The following IL6R variants were observed in gnomAD, a reference collection of about 807,000 sequenced individuals.
IL6R encodes the protein interleukin-6 receptor subunit alpha.
Under a neutral mutation model 48.3 loss-of-function variants are expected in IL6R, and 38 were observed. That is an observed-to-expected ratio of 0.79 (90% CI 0.61 to 1.03). The LOEUF (loss-of-function observed/expected upper bound fraction) is 1.03, where lower values mean the gene tolerates loss of function less well. IL6R is among the 50% of genes least tolerant of loss of function. The probability of loss-of-function intolerance (pLI) is 0.00; values close to 1 mark genes in which losing one functional copy is unlikely to be tolerated. For missense variants in IL6R, 534 were observed against 618.3 expected (o/e 0.86, Z 1.45); for synonymous variants, 264 against 256.2 (o/e 1.03, Z -0.29).
intron 1 of IL6R, among the ~76,000 whole-genome samples, chr1:154,426,028 T>C (rs1688942656): frequency 6.6e-6 from 1 of 150,792 alleles, no homozygotes; most frequent in South Asian, 2.1e-4. Flanking sequence ...AAAGCTATGA[T>C]TGTGCCACTG....
intron 1 of IL6R, among the ~76,000 whole-genome samples, chr1:154,415,458 G>A (rs1029485797): frequency 2.6e-5 from 4 of 152,036 alleles, no homozygotes; most frequent in Non-Finnish European, 5.9e-5. Context: ...GGGTTTATAC[G>A]CCTCTTGGCA....
At chr1:154,443,215 G>C (rs754500662) in intron 6 of IL6R, among the ~76,000 whole-genome samples, 2 of 152,222 alleles carry the variant, frequency 1.3e-5, no homozygotes, top group Non-Finnish European at 2.9e-5. Flanking sequence ...CCAAAGGTTT[G>C]CATTTGCACA....
At chr1:154,446,782 T>G (rs962518732) in intron 6 of IL6R, among the ~76,000 whole-genome samples, 1 of 152,166 alleles carries the variant, frequency 6.6e-6, no homozygotes, top group East Asian at 1.9e-4. Flanking sequence ...TAGAAGGAAA[T>G]TGAAATAGTG....
intron 7 of IL6R, among the ~76,000 whole-genome samples, chr1:154,449,142 G>T (rs1203789081): frequency 6.9e-6 from 1 of 145,898 alleles, no homozygotes; most frequent in Non-Finnish European, 1.5e-5. Flanking sequence ...TGATCCACCC[G>T]CCTCGGCCTC....
At chr1:154,438,096 CT>C (rs1489401576) in intron 6 of IL6R, among the ~76,000 whole-genome samples, 2 of 152,134 alleles carry the variant, frequency 1.3e-5, no homozygotes, top group African/African-American at 4.8e-5. Context: ...GCAGTGGTCC[CT>C]TGTCCCATGC....
chr1:154,428,878 A>T (rs564792553), intron 1 of IL6R, among the ~76,000 whole-genome samples: 89 of 152,288 alleles, frequency 5.8e-4, no homozygotes, highest in African/African-American at 2.1e-3. Flanking sequence ...TGAGGCCTCC[A>T]AGGACAGAAG....
At chr1:154,429,513 TC>T in intron 2 of IL6R, 69 bp downstream of exon 2, 1 of 1,502,164 alleles carries the variant, frequency 6.7e-7, no homozygotes. Context: ...TTCCAGACAG[TC>T]CCTGTCTGAG....
intron 8 of IL6R, 92 bp from the exon 9 acceptor site, chr1:154,454,396 C>G: frequency 1.2e-6 from 1 of 819,754 alleles, no homozygotes; most frequent in Non-Finnish European, 2.0e-6. Context: ...AGGCTTTTGA[C>G]AGCACCAGCT....
At chr1:154,444,144 C>G (rs151092649) in intron 6 of IL6R, among the ~76,000 whole-genome samples, 24 of 152,086 alleles carry the variant, frequency 1.6e-4, no homozygotes, top group African/African-American at 5.5e-4. Context: ...GATTCCTAAA[C>G]GTTGGGATTT....
rs1275051565 is a variant in IL6R at position 154,465,103 on chromosome 1, GTGTGGTTTGTCTT to G, written c.1161-26_1161-14del. The G allele has an allele frequency of 1.9e-6, 3 of 1,612,764 alleles. No individual in the cohort carries two copies. Among genetic ancestry groups the G allele is most frequent in the Non-Finnish European group, 2.5e-6 (3 of 1,178,902 alleles). ...TTGTCACAGGGGGAGCTAAAAATCT[GTGTGGTTTGTCTT>G]TGTGTGTTTGTGTGAAGGTTCAAGA... On this transcript the variant is annotated intron_variant, in intron 9 of 9. Transcript: ENST00000368485.
chr1:154,456,206 C>CTTT (rs34592707), intron 9 of IL6R, among the ~76,000 whole-genome samples: 2 of 135,012 alleles, frequency 1.5e-5, no homozygotes. Context: ...TGAATAGATT[C>CTTT]TTTTTTTTTT....
In IL6R at chr1:154,408,305, C is replaced by T. The variant is rs199565669; in HGVS notation, c.85+2591C>T. Among the ~76,000 whole-genome samples, 4 of 152,140 alleles carry T rather than the reference C, an allele frequency of 2.6e-5. No homozygotes were observed. In the East Asian group the frequency reaches 5.8e-4, roughly 22 times the overall value. On this transcript the variant is annotated intron_variant, in intron 1 of 9. Coordinates refer to ENST00000368485, the MANE Select transcript of IL6R (RefSeq NM_000565.4). ...GGGCTCTCTGTTGCCAGAAATCTCT[C>T]CTTGCTTTGGCTTGCTGCTTGTTTA...
intron 6 of IL6R, among the ~76,000 whole-genome samples, chr1:154,445,276 G>A (rs948887250): frequency 6.6e-5 from 10 of 152,122 alleles, no homozygotes; most frequent in Non-Finnish European, 1.3e-4. Context: ...TGGGTCCCAC[G>A]GTCTCTCCTC....
chr1:154,416,462 T>G (rs1688359687), intron 1 of IL6R, among the ~76,000 whole-genome samples: 2 of 152,022 alleles, frequency 1.3e-5, no homozygotes, highest in South Asian at 4.2e-4. Context: ...CTTTAGAGAT[T>G]AATTAGGGAA....
At chr1:154,431,204 G>A (rs1236851900) in intron 3 of IL6R, among the ~76,000 whole-genome samples, 1 of 152,148 alleles carries the variant, frequency 6.6e-6, no homozygotes, top group East Asian at 1.9e-4. Flanking sequence ...ACCGGAAGAC[G>A]GCTTAACGTG....
chr1:154,450,886 C>T (rs1690546320), intron 8 of IL6R, among the ~76,000 whole-genome samples: 2 of 152,264 alleles, frequency 1.3e-5, no homozygotes, highest in African/African-American at 4.8e-5. Context: ...TCTGCTACAA[C>T]AGCCCAGGTA....
chr1:154,455,207 G>A (rs753175495), intron 9 of IL6R, among the ~76,000 whole-genome samples: 37 of 151,952 alleles, frequency 2.4e-4, no homozygotes, highest in Non-Finnish European at 4.4e-4. Context: ...TACCATGCCC[G>A]GCCCAAAGAG....
intron 1 of IL6R, chr1:154,418,475 CA>C (rs1160432769): frequency 1.1e-6 from 1 of 913,188 alleles, no homozygotes; most frequent in African/African-American, 1.8e-5. Context: ...ACAAGAAGTA[CA>C]AATACATATG....
chr1:154,457,989 C>G (rs182176958), intron 9 of IL6R, among the ~76,000 whole-genome samples: 1 of 126,754 alleles, frequency 7.9e-6, no homozygotes, highest in Non-Finnish European at 1.6e-5. Flanking sequence ...TTTTTTGAGA[C>G]GGAGTCTCGC....
Sources: gnomAD v4.1 joint callset for allele counts (sites outside exome capture counted in the v4.1 genomes callset) on GRCh38, gnomAD v4.1.1 for gene constraint, MANE v1.5 for transcripts, NCBI Gene and HGNC (gene_info 2026-07-23, HGNC 2026-07-21) for gene names.